Variants in USP34 observed in about 807,000 individuals in gnomAD.
The protein encoded by USP34 is ubiquitin carboxyl-terminal hydrolase 34.
Under a neutral mutation model 460.3 loss-of-function variants are expected in USP34, and 70 were observed. That is an observed-to-expected ratio of 0.15 (90% CI 0.13 to 0.19). USP34 has a LOEUF of 0.19. Among genes scored for constraint, USP34 ranks in the 10% least tolerant of loss-of-function variants. The pLI is 1.00. For synonymous variants in USP34, 1,647 were observed against 1,405.3 expected, an observed-to-expected ratio of 1.17 and a Z score of -3.85; for missense variants, 3,985 against 4,236.2, an observed-to-expected ratio of 0.94 and a Z score of 1.65.
At position 61,188,940 on chromosome 2, in the gene USP34, C is replaced by T. The variant is rs1686535035; in HGVS notation, c.10003G>A (p.Glu3335Lys). The T allele has an allele frequency of 6.2e-6, 10 of 1,614,148 alleles. No individual in the cohort carries two copies. The highest frequency in any genetic ancestry group is 8.5e-6 in the Non-Finnish European group (10 of 1,180,030). ...GTTTTTCTTTCTTTGGCTTCTTGCTCTTGGAGTGAGTTTCTCTGTTGCAGA... is the reference window on the plus strand; with the variant it reads ...GTTTTTCTTTCTTTGGCTTCTTGCTTTTGGAGTGAGTTTCTCTGTTGCAGA... Reference protein sequence around the residue: ...TCLQQRNSLQEQEAKERKTKD... With the variant: ...TCLQQRNSLQKQEAKERKTKD... Residue 3335 changes from glutamate to lysine, a missense_variant, in exon 79 of 80, where the codon GAG becomes AAG. Coordinates refer to ENST00000398571, the MANE Select transcript of USP34 (RefSeq NM_014709.4).
At chr2:61,446,131 A>G (rs949288779) in intron 1 of USP34, among the ~76,000 whole-genome samples, 2 of 151,534 alleles carry the variant, frequency 1.3e-5, no homozygotes, top group African/African-American at 4.8e-5. Flanking sequence ...AAAAAAAAAA[A>G]AAACTAAACT....
intron 51 of USP34, among the ~76,000 whole-genome samples, chr2:61,243,592 G>T (rs532172888): frequency 2.5e-4 from 36 of 145,332 alleles, no homozygotes; most frequent in Non-Finnish European, 4.8e-4. Context: ...GGAAACATTC[G>T]GCTGAGTACG....
chr2:61,265,841 T>G, intron 42 of USP34, 143 bp downstream of exon 42: 1 of 889,392 alleles, frequency 1.1e-6, no homozygotes. Context: ...AATGTTTACT[T>G]TTTAACTTTA....
At chr2:61,213,411 A>C (rs944148338) in intron 68 of USP34, among the ~76,000 whole-genome samples, 1 of 152,204 alleles carries the variant, frequency 6.6e-6, no homozygotes, top group African/African-American at 2.4e-5. Context: ...CCGTCTATAA[A>C]GGACGGTCTG....
chr2:61,326,919 G>A (rs1304499439), intron 20 of USP34, among the ~76,000 whole-genome samples: 5 of 151,754 alleles, frequency 3.3e-5, no homozygotes, highest in African/African-American at 4.8e-5. Context: ...GAGGAGCTGG[G>A]ATTACAGGTG....
intron 10 of USP34, among the ~76,000 whole-genome samples, chr2:61,364,301 T>C (rs1487097827): frequency 6.6e-6 from 1 of 152,156 alleles, no homozygotes; most frequent in African/African-American, 2.4e-5. Flanking sequence ...GTTTTGAGGC[T>C]GCAGCAGTGA....
chr2:61,395,016 G>A lies in USP34; in HGVS notation c.604-14C>T. 1.3e-6 allele frequency: 2 copies of A among 1,561,998 alleles called. No individual in the cohort carries two copies. The highest frequency in any genetic ancestry group is 1.4e-5 in the African/African-American group (1 of 72,008). On this transcript the variant is annotated splice_polypyrimidine_tract_variant and intron_variant, in intron 4 of 79. Coordinates refer to ENST00000398571, the MANE Select transcript of USP34 (RefSeq NM_014709.4). ...TACTTCTACATCCTGGGAAAATAAA[G>A]AAAACATGTCATTATTTGAAAACGT...
chr2:61,466,225 G>C (rs996677706), intron 1 of USP34, among the ~76,000 whole-genome samples: 1 of 152,012 alleles, frequency 6.6e-6, no homozygotes, highest in Non-Finnish European at 1.5e-5. Context: ...AAGAGTTCAA[G>C]ACCAGCCTGG....
chr2:61,280,340 A>C lies in USP34; in HGVS notation c.5160T>G (p.Asp1720Glu), dbSNP rs1201361113. The change falls in exon 39 of 80, where the codon GAT becomes GAG. Residue 1720 changes from aspartate (D) to glutamate (E), a missense_variant. Transcript: ENST00000398571. ...GTTTTAATATTGGTTCTTCCTCATAATCATCTATCTATTAAAAAAATTTTA... is the reference window on the plus strand; with the variant it reads ...GTTTTAATATTGGTTCTTCCTCATACTCATCTATCTATTAAAAAAATTTTA... The part of the protein sequence containing the change: ...AQALKPIRID[D>E]YEEEPILKPG... 1.3e-6 allele frequency: 2 copies of C among 1,502,076 alleles called. No individual in the cohort carries two copies. Among genetic ancestry groups the C allele is most frequent in the Non-Finnish European group, 1.8e-6 (2 of 1,122,770 alleles). 93.0% of individuals were successfully genotyped at this position (1,502,076 alleles called of 1,614,324 possible).
chr2:61,445,396 G>A (rs764645886), intron 1 of USP34, among the ~76,000 whole-genome samples: 20 of 151,782 alleles, frequency 1.3e-4, no homozygotes, highest in East Asian at 2.0e-4. Context: ...TTAGCGGGGC[G>A]TGGTGGCAAG....
chr2:61,364,884 C>T lies in USP34; in HGVS notation c.1251+5437G>A, dbSNP rs1180125971. 3.3e-5 allele frequency among the ~76,000 whole-genome samples: 5 copies of T among 151,970 alleles called. No individual in the cohort carries two copies. In the East Asian group the frequency reaches 7.7e-4, roughly 24 times the overall value. On this transcript the variant is annotated intron_variant, in intron 10 of 79. Transcript: ENST00000398571. ...GACGGAGGTTACAGTGAGCCAAGATCGTACCACTGTACTCCAGCCTGGGCA... is the reference window on the plus strand; with the variant it reads ...GACGGAGGTTACAGTGAGCCAAGATTGTACCACTGTACTCCAGCCTGGGCA...
chr2:61,223,018 T>A, intron 64 of USP34, 42 bp downstream of exon 64: 1 of 1,542,198 alleles, frequency 6.5e-7, no homozygotes, highest in Non-Finnish European at 8.9e-7. Context: ...TATTCTTTTT[T>A]AAAATTTCCA....
chr2:61,310,605 TAAG>T (rs1015274948), intron 27 of USP34, among the ~76,000 whole-genome samples: 6 of 150,476 alleles, frequency 4.0e-5, no homozygotes, highest in Non-Finnish European at 8.9e-5. Flanking sequence ...TGGAAAGAGA[TAAG>T]AAACATATAT....
chr2:61,293,747 G>A (rs1306838226), intron 32 of USP34, among the ~76,000 whole-genome samples, 197 bp from the exon 33 acceptor site: 2 of 152,128 alleles, frequency 1.3e-5, no homozygotes, highest in Non-Finnish European at 2.9e-5. Flanking sequence ...GGGTGCAATG[G>A]TTCATGCCTG....
At chr2:61,327,128 A>G (rs146306941) in intron 20 of USP34, among the ~76,000 whole-genome samples, 1 of 152,256 alleles carries the variant, frequency 6.6e-6, no homozygotes, top group East Asian at 1.9e-4. Flanking sequence ...AAGTAAGAGC[A>G]AAATTTTAAC....
intron 1 of USP34, among the ~76,000 whole-genome samples, chr2:61,444,904 ACT>A (rs1185345077): frequency 7.4e-6 from 1 of 135,140 alleles, no homozygotes; most frequent in Non-Finnish European, 1.6e-5. Context: ...TGCCTATTAA[ACT>A]CTGTTCCTTA....
intron 27 of USP34, among the ~76,000 whole-genome samples, chr2:61,305,572 T>C (rs1368283947): frequency 1.3e-5 from 2 of 152,062 alleles, no homozygotes; most frequent in South Asian, 2.1e-4. Context: ...AGAAACATTA[T>C]AGGCTCAGAA....
At chr2:61,213,910 T>C (rs1687334231) in intron 68 of USP34, 150 bp downstream of exon 68, 9 of 944,896 alleles carry the variant, frequency 9.5e-6, no homozygotes, top group Non-Finnish European at 1.4e-5. Context: ...CAGCATTTTA[T>C]ATATGTATTT....
Position 61,405,996 on chromosome 2 carries a change from A to G in USP34, c.264T>C (p.Ile88=), listed in dbSNP as rs1276799552. ...RDQLCKHCTT[I]NIDSTWQDES... is the part of the protein sequence containing the mutation. ...CATCTTGCCACGTGGAATCTATGTTAATGGTAGTACAATGTTTACAAAGCT... is the reference window on the plus strand; with the variant it reads ...CATCTTGCCACGTGGAATCTATGTTGATGGTAGTACAATGTTTACAAAGCT... Residue 88 remains isoleucine (I), a synonymous_variant, in exon 3 of 80, where the codon ATT becomes ATC. Transcript: ENST00000398571. The G allele has an allele frequency of 6.2e-7, 1 of 1,613,720 alleles. No individual in the cohort carries two copies. The highest frequency in any genetic ancestry group is 1.1e-5 in the South Asian group (1 of 91,072).
Sources: allele counts gnomAD v4.1 joint callset (sites outside exome capture counted in the v4.1 genomes callset), GRCh38; gene constraint gnomAD v4.1.1; transcripts MANE v1.5; gene names NCBI Gene and HGNC (gene_info 2026-07-23, HGNC 2026-07-21).